The following UMAD1 variants were observed in gnomAD, a reference collection of about 807,000 sequenced individuals.
UMAD1 encodes the protein UBAP1-MVB12-associated (UMA) domain containing 1, also known as UBAP1-MVB12-associated (UMA)-domain containing protein 1.
In UMAD1, 8 loss-of-function variants were observed where a neutral mutation model predicts 6.1. The ratio of observed to expected loss-of-function variants is 1.30; its 90% CI spans 0.76 to 2.35. The LOEUF is 2.35. Ranked by LOEUF, UMAD1 falls within the 30% of genes most tolerant of loss-of-function variation. UMAD1 has a pLI of 0.00. For missense variants in UMAD1, 130 were observed against 78.4 expected, an observed-to-expected ratio of 1.66 and a Z score of -2.49; for synonymous variants, 56 against 31.4, an observed-to-expected ratio of 1.78 and a Z score of -2.61.
intron 2 of UMAD1, among the ~76,000 whole-genome samples, chr7:7,695,231 G>A (rs909823156): frequency 2.0e-5 from 3 of 152,132 alleles, no homozygotes; most frequent in Non-Finnish European, 2.9e-5. Context: ...CACTGTTGCT[G>A]CCAACCAAGT....
At chr7:7,643,910 CCT>C (rs539988633) in intron 1 of UMAD1, among the ~76,000 whole-genome samples, 4 of 152,132 alleles carry the variant, frequency 2.6e-5, no homozygotes, top group African/African-American at 9.6e-5. Flanking sequence ...GCTTTATGCC[CCT>C]CAGTCAAATT....
intron 3 of UMAD1, among the ~76,000 whole-genome samples, chr7:7,806,932 T>G (rs1782927674): frequency 6.6e-6 from 1 of 152,222 alleles, no homozygotes. Context: ...CTCAGTTTTC[T>G]AAGAACCTTT....
intron 2 of UMAD1, among the ~76,000 whole-genome samples, chr7:7,764,395 A>ATCT (rs1414831504): frequency 5.3e-5 from 8 of 152,244 alleles, no homozygotes; most frequent in Non-Finnish European, 1.0e-4. Context: ...AAAATAAAAT[A>ATCT]TCTTTGCTTC....
chr7:7,700,781 G>A (rs188580947), intron 2 of UMAD1, among the ~76,000 whole-genome samples: 1 of 152,178 alleles, frequency 6.6e-6, no homozygotes, highest in African/African-American at 2.4e-5. Context: ...AAAGCTACTC[G>A]GGAGGCTGAG....
At chr7:7,674,050 A>T (rs150777784) in intron 2 of UMAD1, among the ~76,000 whole-genome samples, 347 of 152,310 alleles carry the variant, frequency 2.3e-3, no homozygotes, top group African/African-American at 7.8e-3. Context: ...TCTTCCCCTG[A>T]GGAAAAGTTT....
rs1784446390 is a variant in UMAD1, at chr7:7,877,554, G to A, written c.*16G>A. 1.4e-6 allele frequency: 1 copy of A among 715,098 alleles called. No individual in the cohort carries two copies. Among genetic ancestry groups the A allele is most frequent in the African/African-American group, 1.7e-5 (1 of 57,216 alleles). The allele number at this position is 715,098 out of a possible 1,614,324, so 44.3% of individuals were successfully genotyped here. A position where few individuals can be genotyped will look rare whatever the true frequency, so the allele number is the denominator to read the frequency against. Reference sequence around the variant, plus strand: ...TGATTCATAACCTTTATGTCTGTTTGCACCTTAACAGCTTTAAAATATGTT... The same window carrying A: ...TGATTCATAACCTTTATGTCTGTTTACACCTTAACAGCTTTAAAATATGTT... On this transcript the variant is annotated 3_prime_UTR_variant, in exon 4 of 4. Transcript: ENST00000682710.
At chr7:7,719,179 C>G (rs986477999) in intron 2 of UMAD1, among the ~76,000 whole-genome samples, 1 of 152,052 alleles carries the variant, frequency 6.6e-6, no homozygotes. Flanking sequence ...GAAGATCTAG[C>G]AGATACAATG....
intron 2 of UMAD1, among the ~76,000 whole-genome samples, chr7:7,683,243 G>A (rs927285729): frequency 1.3e-5 from 2 of 152,072 alleles, no homozygotes; most frequent in African/African-American, 4.8e-5. Context: ...ACCCTTCTGT[G>A]CATTAGGGGA....
chr7:7,815,492 C>T (rs1239383362), intron 3 of UMAD1, among the ~76,000 whole-genome samples: 1 of 152,086 alleles, frequency 6.6e-6, no homozygotes, highest in Non-Finnish European at 1.5e-5. Flanking sequence ...TAATTTTTCT[C>T]ATGTGACAAG....
chr7:7,796,650 G>T (rs982518937), intron 2 of UMAD1, among the ~76,000 whole-genome samples: 2 of 152,170 alleles, frequency 1.3e-5, no homozygotes, highest in Non-Finnish European at 2.9e-5. Context: ...GTTCAAGATA[G>T]TGTCCCTGAC....
rs145250155 is a variant in UMAD1, at chr7:7,774,104, C to T, written c.83-27566C>T. On this transcript the variant is annotated intron_variant, in intron 2 of 3. Transcript: ENST00000682710. ...GCTTTTTCTGTTTGCAAACTGAGTC[C>T]TCAGGTGCACCAAAATCTTCTTCCC... Among the ~76,000 whole-genome samples, 375 of 152,242 alleles carry T rather than the reference C, an allele frequency of 2.5e-3. 4 individuals carry two copies. The highest frequency in any genetic ancestry group is 8.4e-3 in the African/African-American group (349 of 41,536).
At chr7:7,775,865 G>A (rs1782194757) in intron 2 of UMAD1, among the ~76,000 whole-genome samples, 1 of 152,150 alleles carries the variant, frequency 6.6e-6, no homozygotes, top group South Asian at 2.1e-4. Flanking sequence ...TAGAAAATGT[G>A]AACCTATAGT....
At chr7:7,821,953 T>A (rs1783249324) in intron 3 of UMAD1, among the ~76,000 whole-genome samples, 1 of 152,162 alleles carries the variant, frequency 6.6e-6, no homozygotes. Context: ...AGTAATAATC[T>A]ATCACTTATT....
intron 3 of UMAD1, among the ~76,000 whole-genome samples, chr7:7,813,175 G>A (rs537044333): frequency 3.3e-5 from 5 of 152,054 alleles, no homozygotes; most frequent in Non-Finnish European, 7.4e-5. Flanking sequence ...TTCTCCAGGC[G>A]TAGCCAGCCC....
intron 2 of UMAD1, among the ~76,000 whole-genome samples, chr7:7,749,730 A>C (rs1456905651): frequency 6.6e-6 from 1 of 152,182 alleles, no homozygotes; most frequent in African/African-American, 2.4e-5. Flanking sequence ...ATAAAATAGC[A>C]TATATTGAGA....
In UMAD1 at chr7:7,684,950, A is replaced by T. The variant is rs531648077; in HGVS notation, c.82+11497A>T. Reference sequence around the variant, plus strand: ...TAAGTATGCATACCATGTTATGTACATGGAATTTCTCCTACTGTTTCCTTA... The same window carrying T: ...TAAGTATGCATACCATGTTATGTACTTGGAATTTCTCCTACTGTTTCCTTA... On this transcript the variant is annotated intron_variant, in intron 2 of 3. Coordinates refer to ENST00000682710, the MANE Select transcript of UMAD1 (RefSeq NM_001302348.2). Among the ~76,000 whole-genome samples the T allele has an allele frequency of 2.0e-5, 3 of 152,220 alleles. No individual in the cohort carries two copies. The East Asian group carries it at 5.8e-4, about 29-fold the overall frequency.
chr7:7,758,159 C>G (rs1203206317), intron 2 of UMAD1, among the ~76,000 whole-genome samples: 1 of 152,096 alleles, frequency 6.6e-6, no homozygotes, highest in Non-Finnish European at 1.5e-5. Context: ...GTCGTTCTGC[C>G]AAGCCTCCCA....
rs76434594 is a variant in UMAD1, at chr7:7,749,773, T to C, written c.83-51897T>C. Among the ~76,000 whole-genome samples the C allele has an allele frequency of 1.3e-4, 20 of 152,300 alleles. No homozygotes were observed. In the East Asian group the frequency reaches 3.9e-3, roughly 29 times the overall value. On this transcript the variant is annotated intron_variant, in intron 2 of 3. Transcript: ENST00000682710. ...ATGTTCTCATAAAAGGTGCTATAAA[T>C]TGAAACATTTATTACACAGAAAACG...
intron 2 of UMAD1, among the ~76,000 whole-genome samples, chr7:7,770,663 G>T (rs1782082387): frequency 6.6e-6 from 1 of 152,128 alleles, no homozygotes; most frequent in Admixed American, 6.5e-5. Context: ...TTGACATTCA[G>T]TGATTATGAG....
Sources: allele counts gnomAD v4.1 joint callset (sites outside exome capture counted in the v4.1 genomes callset), GRCh38; gene constraint gnomAD v4.1.1; transcripts MANE v1.5; gene names NCBI Gene and HGNC (gene_info 2026-07-23, HGNC 2026-07-21).